The following RAD54B variants were observed in gnomAD, a reference collection of about 807,000 sequenced individuals.
RAD54B encodes RAD54 homolog B, also known as DNA repair and recombination protein RAD54B.
In RAD54B, 78 loss-of-function variants were observed where a neutral mutation model predicts 95.8. The observed-to-expected ratio is 0.81, with a 90% CI of 0.68 to 0.98. The LOEUF (loss-of-function observed/expected upper bound fraction) is 0.98, where lower values mean the gene tolerates loss of function less well. RAD54B is among the 50% of genes least tolerant of loss of function. RAD54B has a pLI of 0.00. For synonymous variants in RAD54B, 328 were observed against 354.9 expected (o/e 0.92, Z 0.85); for missense variants, 957 against 1,056.6 (o/e 0.91, Z 1.31).
intron 1 of RAD54B, among the ~76,000 whole-genome samples, chr8:94,468,826 CAA>C (rs1172036946): frequency 1.4e-5 from 2 of 144,734 alleles, no homozygotes; most frequent in African/African-American, 2.6e-5. Context: ...GACTCTGTCT[CAA>C]AAAAAAAAAG....
chr8:94,417,480 TAAAAA>T (rs34766725), intron 3 of RAD54B, among the ~76,000 whole-genome samples: 1 of 140,908 alleles, frequency 7.1e-6, no homozygotes, highest in Non-Finnish European at 1.6e-5. Context: ...TGACTAAAAT[TAAAAA>T]AAAAAAAAAA....
rs1053284602 is a variant in RAD54B, at chr8:94,475,048, G to T, written c.-64C>A. The T allele has an allele frequency of 6.6e-6, 1 of 152,310 alleles. No individual in the cohort carries two copies. The highest frequency in any genetic ancestry group is 1.5e-5 in the Non-Finnish European group (1 of 68,112). The allele number at this position is 152,310 out of a possible 1,614,324, so 9.4% of individuals were successfully genotyped here. On this transcript the variant is annotated 5_prime_UTR_variant, in exon 1 of 15. Coordinates refer to ENST00000336148, the MANE Select transcript of RAD54B (RefSeq NM_012415.3). ...ACTGGCCCTGCAAAGAAGTCCTTCT[G>T]GTAACCAGCTATCCCCTCGCCGCCG...
intron 3 of RAD54B, among the ~76,000 whole-genome samples, chr8:94,453,312 T>C (rs904046066): frequency 6.6e-6 from 1 of 152,162 alleles, no homozygotes; most frequent in Non-Finnish European, 1.5e-5. Flanking sequence ...GCGGATCACT[T>C]GAGGTCAGGA....
intron 9 of RAD54B, among the ~76,000 whole-genome samples, chr8:94,392,879 C>G (rs1811056852): frequency 6.7e-6 from 1 of 150,086 alleles, no homozygotes; most frequent in Non-Finnish European, 1.5e-5. Flanking sequence ...ACTCTGTCAC[C>G]AGGCTAAAGT....
In RAD54B at chr8:94,404,262, A is replaced by T. The variant is rs755523268; in HGVS notation, c.782-23T>A. The T allele has an allele frequency of 2.6e-6, 4 of 1,545,184 alleles. No homozygotes were observed. In the South Asian group the frequency reaches 3.7e-5, roughly 14 times the overall value. On this transcript the variant is annotated intron_variant, in intron 5 of 14. Transcript: ENST00000336148. ...AATCTTAAAAAATGATAAAAGTACAAGTATTGTAATTTCACTTTTTCAGCA... is the reference window on the plus strand; with the variant it reads ...AATCTTAAAAAATGATAAAAGTACATGTATTGTAATTTCACTTTTTCAGCA...
chr8:94,391,968 A>G, intron 9 of RAD54B, 69 bp from the exon 10 acceptor site: 1 of 1,355,750 alleles, frequency 7.4e-7, no homozygotes, highest in South Asian at 1.4e-5. Flanking sequence ...AACATTAAAG[A>G]TTTCATAATG....
Position 94,424,500 on chromosome 8 carries a change from G to C in RAD54B, c.305-13185C>G, listed in dbSNP as rs546349555. 7.0e-4 allele frequency among the ~76,000 whole-genome samples: 106 copies of C among 152,286 alleles called. 1 individual carries two copies. In the Middle Eastern group the frequency reaches 0.01, roughly 15 times the overall value. ...TGTAGGCCATACAGCATGGAATAGA[G>C]AGGGTGAATAATTCCAAAAGGTAAA... On this transcript the variant is annotated intron_variant, in intron 3 of 14. Coordinates refer to ENST00000336148, the MANE Select transcript of RAD54B (RefSeq NM_012415.3).
At chr8:94,464,401 T>C (rs924699421) in intron 2 of RAD54B, among the ~76,000 whole-genome samples, 3 of 152,076 alleles carry the variant, frequency 2.0e-5, no homozygotes, top group South Asian at 4.1e-4. Context: ...CCCTAAAATC[T>C]CCAGAAATGA....
chr8:94,403,997 G>A lies in RAD54B; in HGVS notation c.944+80C>T. The A allele has an allele frequency of 1.1e-5, 13 of 1,151,126 alleles. No individual in the cohort carries two copies. In the South Asian group the frequency reaches 2.2e-4, roughly 19 times the overall value. The allele number at this position is 1,151,126 out of a possible 1,614,324, so 71.3% of individuals were successfully genotyped here. On this transcript the variant is annotated intron_variant, in intron 6 of 14. Transcript: ENST00000336148. Reference sequence around the variant, plus strand: ...GTACCCTCAGGACTCATTATATTAGGATCTTCTTAGAAAACCATTATTGTG... The same window carrying A: ...GTACCCTCAGGACTCATTATATTAGAATCTTCTTAGAAAACCATTATTGTG...
chr8:94,426,278 A>G (rs1358636139), intron 3 of RAD54B, among the ~76,000 whole-genome samples: 1 of 151,988 alleles, frequency 6.6e-6, no homozygotes, highest in Non-Finnish European at 1.5e-5. Flanking sequence ...AAAAAAAAAA[A>G]AAACTCATAC....
chr8:94,469,958 C>A (rs1813126411), intron 1 of RAD54B, among the ~76,000 whole-genome samples: 1 of 152,132 alleles, frequency 6.6e-6, no homozygotes, highest in African/African-American at 2.4e-5. Flanking sequence ...AGATGGAAAA[C>A]AAGGACATTA....
intron 11 of RAD54B, among the ~76,000 whole-genome samples, chr8:94,384,933 G>A (rs7843015): frequency 0.018 from 2,796 of 152,108 alleles, 73 homozygotes; most frequent in African/African-American, 0.062. Context: ...GTGAAACACC[G>A]TCTCTACAAA....
intron 8 of RAD54B, among the ~76,000 whole-genome samples, chr8:94,394,246 A>G (rs530146439): frequency 5.9e-5 from 9 of 152,292 alleles, no homozygotes; most frequent in African/African-American, 1.4e-4. Flanking sequence ...AATGCAGATA[A>G]TAACAGTCGT....
chr8:94,401,918 T>C (rs981204900), intron 6 of RAD54B, among the ~76,000 whole-genome samples: 3 of 152,194 alleles, frequency 2.0e-5, no homozygotes, highest in African/African-American at 4.8e-5. Flanking sequence ...TTTATGGAGA[T>C]GTACCTTGAG....
chr8:94,470,375 G>T (rs1249912647), intron 1 of RAD54B, among the ~76,000 whole-genome samples: 1 of 152,112 alleles, frequency 6.6e-6, no homozygotes, highest in African/African-American at 2.4e-5. Flanking sequence ...AAGGTGAGTG[G>T]ATCACCTGAG....
At position 94,457,238 on chromosome 8, in the gene RAD54B, G is replaced by A. The variant is rs532827862; in HGVS notation, c.304+1030C>T. On this transcript the variant is annotated intron_variant, in intron 3 of 14. Transcript: ENST00000336148. The stretch of plus-strand genomic sequence containing the variant: ...AAGGATGGAAGCAAGGAAGGAGGAA[G>A]TGGGGAAAATAGGGAGGAAAGAAGG... Among the ~76,000 whole-genome samples the A allele has an allele frequency of 1.5e-3, 236 of 152,276 alleles. 2 individuals carry two copies. The highest frequency in any genetic ancestry group is 5.5e-3 in the African/African-American group (230 of 41,570).
chr8:94,416,466 T>A (rs2171440), intron 3 of RAD54B, among the ~76,000 whole-genome samples: 37,417 of 150,962 alleles, frequency 0.25, 5,472 homozygotes, highest in East Asian at 0.43. Flanking sequence ...TGTATACATA[T>A]GTAACTAACC....
chr8:94,392,929 C>T lies in RAD54B; in HGVS notation c.1518+814G>A, dbSNP rs1308663214. Among the ~76,000 whole-genome samples the T allele has an allele frequency of 5.3e-5, 8 of 151,626 alleles. No homozygotes were observed. The East Asian group carries it at 1.2e-3, about 22-fold the overall frequency. On this transcript the variant is annotated intron_variant, in intron 9 of 14. Coordinates refer to ENST00000336148, the MANE Select transcript of RAD54B (RefSeq NM_012415.3). The stretch of plus-strand genomic sequence containing the variant: ...TCAGCTCACTGCAACCTCTGCCTCC[C>T]GGGTTCAAGTGATTCTCCTGAGTAG...
chr8:94,428,249 A>G, intron 3 of RAD54B: 5 of 945,770 alleles, frequency 5.3e-6, no homozygotes, highest in Non-Finnish European at 6.3e-6. Flanking sequence ...TTTAAAAAAC[A>G]AAATCACTCT....
Sources: gnomAD v4.1 joint callset for allele counts (sites outside exome capture counted in the v4.1 genomes callset) on GRCh38, gnomAD v4.1.1 for gene constraint, MANE v1.5 for transcripts, NCBI Gene and HGNC (gene_info 2026-07-23, HGNC 2026-07-21) for gene names.